Variants in TNPO1 observed in about 807,000 individuals in gnomAD.
TNPO1 encodes transportin-1.
A neutral mutation model predicts 119.5 loss-of-function variants in TNPO1; 8 were observed. That is an observed-to-expected ratio of 0.07 (90% confidence interval 0.04 to 0.12). The LOEUF (loss-of-function observed/expected upper bound fraction) is 0.12, where lower values mean the gene tolerates loss of function less well. Ranked by LOEUF, TNPO1 falls within the 10% of genes least tolerant of loss-of-function variation. The probability of loss-of-function intolerance (pLI) is 1.00; values close to 1 mark genes in which losing one functional copy is unlikely to be tolerated. For missense variants in TNPO1, 576 were observed against 1,089.8 expected, an observed-to-expected ratio of 0.53 and a Z score of 6.64; for synonymous variants, 362 against 363.0, an observed-to-expected ratio of 1.00 and a Z score of 0.03.
intron 1 of TNPO1, chr5:72,825,816 A>G (rs1412814980): frequency 1.3e-5 from 2 of 152,406 alleles, no homozygotes; most frequent in Non-Finnish European, 2.9e-5. Context: ...CCCATCCTAC[A>G]GAATGGTAAG....
intron 3 of TNPO1, 56 bp downstream of exon 3, chr5:72,851,375 G>A: frequency 9.9e-7 from 1 of 1,009,096 alleles, no homozygotes; most frequent in South Asian, 1.4e-5. Flanking sequence ...CTGTTTAAAT[G>A]TACTGAGAAT....
At chr5:72,905,089 A>T (rs1434674564) in intron 23 of TNPO1, among the ~76,000 whole-genome samples, 1 of 152,174 alleles carries the variant, frequency 6.6e-6, no homozygotes, top group Non-Finnish European at 1.5e-5. Context: ...AACACGTGGG[A>T]ATTATGGGAG....
chr5:72,891,903 A>G lies in TNPO1; in HGVS notation c.1788+7A>G. On this transcript the variant is annotated splice_region_variant and intron_variant, in intron 15 of 24. Transcript: ENST00000337273. The stretch of plus-strand genomic sequence containing the variant: ...TCTCTTCCCTTTACTTGAGGTATGC[A>G]GGGCTAGTAATATTTAATCTGTTGC... 6.2e-7 allele frequency: 1 copy of G among 1,600,038 alleles called. No individual in the cohort carries two copies. Among genetic ancestry groups the G allele is most frequent in the East Asian group, 2.2e-5 (1 of 44,630 alleles).
chr5:72,848,367 G>A lies in TNPO1; in HGVS notation c.16-18G>A. On this transcript the variant is annotated intron_variant, in intron 1 of 24. Transcript: ENST00000337273. ...TAACAGTTGCTCCGTCTCTTCCTGT[G>A]TCTGGCTTTATTTGCAGCAAACCAA... 4 of 1,608,130 alleles carry A rather than the reference G, an allele frequency of 2.5e-6. No individual in the cohort carries two copies. The highest frequency in any genetic ancestry group is 2.5e-6 in the Non-Finnish European group (3 of 1,176,596).
chr5:72,847,503 T>C (rs1427529292), intron 1 of TNPO1, among the ~76,000 whole-genome samples: 1 of 152,228 alleles, frequency 6.6e-6, no homozygotes, highest in Non-Finnish European at 1.5e-5. Flanking sequence ...AGGCAAATAA[T>C]ACCTCACTAG....
At chr5:72,856,291 GCACA>G (rs1745992392) in intron 4 of TNPO1, among the ~76,000 whole-genome samples, 1 of 152,090 alleles carries the variant, frequency 6.6e-6, no homozygotes, top group Non-Finnish European at 1.5e-5. Context: ...GGGTACAGTG[GCACA>G]ATCTTGACTC....
chr5:72,895,354 CT>C (rs34306580), intron 18 of TNPO1, among the ~76,000 whole-genome samples: 118,299 of 145,006 alleles, frequency 0.82, 48,190 homozygotes, highest in Non-Finnish European at 0.85. Context: ...GTTGTCCCTC[CT>C]TTTTTTTTTT....
At position 72,912,148 on chromosome 5, in the gene TNPO1, C is replaced by T. The variant is rs1750609213; in HGVS notation, c.*3475C>T. The T allele has an allele frequency of 6.6e-6, 1 of 152,370 alleles. No homozygotes were observed. The highest frequency in any genetic ancestry group is 2.1e-4 in the South Asian group (1 of 4,828). The allele number at this position is 152,370 out of a possible 1,614,324, so 9.4% of individuals were successfully genotyped here. On this transcript the variant is annotated 3_prime_UTR_variant, in exon 25 of 25. Transcript: ENST00000337273. ...AACATGTAAATAATCTTTTAAGAGC[C>T]AGTTCTGATGCTTTACATTATTGCT...
rs935633890 is a variant in TNPO1 at position 72,862,648 on chromosome 5, G to T, written c.462+734G>T. On this transcript the variant is annotated intron_variant, in intron 5 of 24. Transcript: ENST00000337273. ...CACTAAACTTGTCTTCGTTTTTTTTGTTTGTTTGTTTGTTTCAAACAGGGT... is the reference window on the plus strand; with the variant it reads ...CACTAAACTTGTCTTCGTTTTTTTTTTTTGTTTGTTTGTTTCAAACAGGGT... Among the ~76,000 whole-genome samples the T allele has an allele frequency of 2.0e-4, 30 of 150,362 alleles. 1 individual carries two copies. In the Middle Eastern group the frequency reaches 0.01, roughly 51 times the overall value.
intron 14 of TNPO1, 98 bp downstream of exon 14, chr5:72,890,055 G>A (rs1748935489): frequency 7.3e-7 from 1 of 1,372,196 alleles, no homozygotes; most frequent in South Asian, 1.3e-5. Context: ...TTTGGGAGAT[G>A]TGAATAGTTA....
At chr5:72,831,527 GAATTT>G (rs2112190788) in intron 1 of TNPO1, among the ~76,000 whole-genome samples, 1 of 151,972 alleles carries the variant, frequency 6.6e-6, no homozygotes, top group South Asian at 2.1e-4. Flanking sequence ...ATGTCAACAT[GAATTT>G]CATATTATTA....
At chr5:72,896,135 T>G (rs191705003) in intron 18 of TNPO1, among the ~76,000 whole-genome samples, 6 of 152,292 alleles carry the variant, frequency 3.9e-5, no homozygotes, top group African/African-American at 1.4e-4. Flanking sequence ...TTACAAGAGA[T>G]TACTCTGACC....
At chr5:72,901,891 A>G (rs1410511187) in intron 22 of TNPO1, among the ~76,000 whole-genome samples, 1 of 152,144 alleles carries the variant, frequency 6.6e-6, no homozygotes, top group Admixed American at 6.5e-5. Context: ...AGCCTGGTCA[A>G]CATGGTGAAA....
chr5:72,893,808 T>TATAA (rs1749230290), intron 18 of TNPO1, 105 bp downstream of exon 18: 1 of 1,059,600 alleles, frequency 9.4e-7, no homozygotes, highest in African/African-American at 1.6e-5. Context: ...TCCCAACATT[T>TATAA]ATAAATGTAC....
At chr5:72,869,838 G>A (rs1475719316) in intron 6 of TNPO1, among the ~76,000 whole-genome samples, 1 of 152,178 alleles carries the variant, frequency 6.6e-6, no homozygotes, top group Admixed American at 6.5e-5. Flanking sequence ...TATTGATTAT[G>A]AATATGTGAC....
intron 1 of TNPO1, among the ~76,000 whole-genome samples, chr5:72,832,655 C>T (rs1320138676): frequency 6.6e-6 from 1 of 152,098 alleles, no homozygotes; most frequent in Admixed American, 6.6e-5. Flanking sequence ...ACATCTTCTC[C>T]TGTTGTAAAG....
intron 5 of TNPO1, among the ~76,000 whole-genome samples, chr5:72,864,809 A>G (rs1036703035): frequency 6.6e-6 from 1 of 152,050 alleles, no homozygotes; most frequent in African/African-American, 2.4e-5. Context: ...GGGTTTCACC[A>G]TGTTGGCTAG....
chr5:72,862,854 GAC>G (rs1746564865), intron 5 of TNPO1, among the ~76,000 whole-genome samples: 1 of 151,916 alleles, frequency 6.6e-6, no homozygotes, highest in Non-Finnish European at 1.5e-5. Flanking sequence ...CACCATGTTG[GAC>G]AGGCTGGTCT....
intron 1 of TNPO1, among the ~76,000 whole-genome samples, chr5:72,842,226 G>T (rs973106611): frequency 6.6e-6 from 1 of 151,942 alleles, no homozygotes; most frequent in African/African-American, 2.4e-5. Context: ...ATGTTCTTTC[G>T]TATGCACATG....
Sources: gnomAD v4.1 joint callset for allele counts (sites outside exome capture counted in the v4.1 genomes callset) on GRCh38, gnomAD v4.1.1 for gene constraint, MANE v1.5 for transcripts, NCBI Gene and HGNC (gene_info 2026-07-23, HGNC 2026-07-21) for gene names.